Variants in DLG2 observed in about 807,000 individuals in gnomAD.
DLG2 encodes the protein discs large MAGUK scaffold protein 2, also known as disks large homolog 2.
A neutral mutation model predicts 132.5 loss-of-function variants in DLG2; 45 were observed. That is an observed-to-expected ratio of 0.34 (90% CI 0.27 to 0.44). The LOEUF is 0.44. DLG2 is among the 20% of genes least tolerant of loss of function. The pLI, the probability that DLG2 is intolerant of heterozygous loss-of-function variation, is 1.00. For missense variants in DLG2, 1,045 were observed against 1,196.9 expected (o/e 0.87, Z 1.87); for synonymous variants, 424 against 419.6 (o/e 1.01, Z -0.13).
At chr11:83,621,978 G>C (rs542000719) in intron 19 of DLG2, among the ~76,000 whole-genome samples, 228 of 152,248 alleles carry the variant, frequency 1.5e-3, no homozygotes, top group Non-Finnish European at 2.2e-3. Flanking sequence ...TCAGTGGCAA[G>C]ATCTCAGCTC....
chr11:84,201,397 G>C (rs1179333909), intron 8 of DLG2, among the ~76,000 whole-genome samples: 2 of 152,104 alleles, frequency 1.3e-5, no homozygotes, highest in Non-Finnish European at 2.9e-5. Context: ...ATCGTGCCCT[G>C]ATATTTTCTT....
chr11:83,817,529 T>G (rs1316348254), intron 17 of DLG2, among the ~76,000 whole-genome samples: 1 of 152,156 alleles, frequency 6.6e-6, no homozygotes, highest in Non-Finnish European at 1.5e-5. Flanking sequence ...GAAAAAAGTA[T>G]GAATGTATGC....
chr11:84,528,237 T>C (rs960191949), intron 7 of DLG2, among the ~76,000 whole-genome samples: 7 of 152,148 alleles, frequency 4.6e-5, no homozygotes, highest in Non-Finnish European at 8.8e-5. Flanking sequence ...CTAGGTAGCA[T>C]CTGAAGAGAA....
intron 7 of DLG2, among the ~76,000 whole-genome samples, chr11:84,370,706 T>C (rs190899226): frequency 2.4e-3 from 365 of 152,298 alleles, no homozygotes; most frequent in Non-Finnish European, 3.7e-3. Flanking sequence ...TGGAAAGCAG[T>C]GTCTGACTCT....
chr11:85,213,621 G>A (rs186469616), intron 4 of DLG2, among the ~76,000 whole-genome samples: 440 of 152,256 alleles, frequency 2.9e-3, no homozygotes, highest in Non-Finnish European at 4.8e-3. Flanking sequence ...ATCAGACTTA[G>A]TCTATTTTAT....
At chr11:85,223,104 T>C (rs987467026) in intron 4 of DLG2, among the ~76,000 whole-genome samples, 33 of 152,114 alleles carry the variant, frequency 2.2e-4, no homozygotes, top group African/African-American at 7.5e-4. Flanking sequence ...AGAAACTTTG[T>C]TTGTTACTAA....
intron 7 of DLG2, among the ~76,000 whole-genome samples, chr11:84,304,290 A>G (rs2098190131): frequency 6.6e-6 from 1 of 152,182 alleles, no homozygotes; most frequent in Non-Finnish European, 1.5e-5. Context: ...GGAATCTCAC[A>G]CTCTCTAATC....
chr11:84,642,045 T>G (rs2099667405), intron 6 of DLG2, among the ~76,000 whole-genome samples: 1 of 146,114 alleles, frequency 6.8e-6, no homozygotes, highest in African/African-American at 2.7e-5. Context: ...TGCATACGTA[T>G]ATATGTATAT....
intron 3 of DLG2, among the ~76,000 whole-genome samples, chr11:85,358,010 G>A (rs59464672): frequency 0.057 from 8,637 of 151,428 alleles, 345 homozygotes; most frequent in African/African-American, 0.11. Context: ...AGAAATAAAG[G>A]AAAAGGATCA....
chr11:85,573,057 T>C (rs1565702662), intron 3 of DLG2, among the ~76,000 whole-genome samples: 1 of 152,100 alleles, frequency 6.6e-6, no homozygotes, highest in African/African-American at 2.4e-5. Flanking sequence ...GTACACTCTC[T>C]CTTGATCCTG....
chr11:83,462,612 G>T (rs2090242126), intron 26 of DLG2, among the ~76,000 whole-genome samples: 1 of 152,164 alleles, frequency 6.6e-6, no homozygotes, highest in Admixed American at 6.5e-5. Flanking sequence ...GGGAAGGCAG[G>T]AGGGGAGATG....
chr11:85,593,967 C>A (rs892621976), intron 3 of DLG2, among the ~76,000 whole-genome samples: 2 of 152,008 alleles, frequency 1.3e-5, no homozygotes, highest in Non-Finnish European at 2.9e-5. Context: ...TATTGCATAG[C>A]ACAATGTCCA....
intron 10 of DLG2, among the ~76,000 whole-genome samples, chr11:84,083,110 T>C (rs2096927355): frequency 6.6e-6 from 1 of 151,950 alleles, no homozygotes; most frequent in African/African-American, 2.4e-5. Context: ...TAAAACCCCA[T>C]CTCTATTGAA....
intron 6 of DLG2, among the ~76,000 whole-genome samples, chr11:84,859,128 T>A (rs1057337652): frequency 6.6e-6 from 1 of 151,830 alleles, no homozygotes; most frequent in Non-Finnish European, 1.5e-5. Flanking sequence ...CCTAGCATAA[T>A]TCTTGCAACC....
intron 3 of DLG2, among the ~76,000 whole-genome samples, chr11:85,429,089 A>G (rs1277506240): frequency 1.3e-5 from 2 of 152,194 alleles, no homozygotes; most frequent in Admixed American, 6.5e-5. Context: ...AAGAACTTGA[A>G]TCTCTCAATA....
At chr11:84,791,299 C>T (rs2073813872) in intron 6 of DLG2, among the ~76,000 whole-genome samples, 1 of 152,164 alleles carries the variant, frequency 6.6e-6, no homozygotes, top group South Asian at 2.1e-4. Flanking sequence ...CAGTATCAGT[C>T]TATGCATCTG....
chr11:85,286,550 T>C (rs1210018698), intron 3 of DLG2, among the ~76,000 whole-genome samples: 2 of 152,194 alleles, frequency 1.3e-5, no homozygotes, highest in East Asian at 1.9e-4. Flanking sequence ...TAAAGAGTAA[T>C]GAACACTGTC....
At chr11:83,646,358 A>AGAGG (rs59007098) in intron 18 of DLG2, among the ~76,000 whole-genome samples, 2 of 124,260 alleles carry the variant, frequency 1.6e-5, no homozygotes, top group Admixed American at 7.4e-5. Context: ...GATATGAAAC[A>AGAGG]GAGAGAGAGA....
chr11:85,497,197 T>C (rs896230969), intron 3 of DLG2, among the ~76,000 whole-genome samples: 4 of 151,966 alleles, frequency 2.6e-5, no homozygotes, highest in Non-Finnish European at 5.9e-5. Context: ...GTTAGACGAA[T>C]GGCTAACTAG....
Sources: allele counts gnomAD v4.1 joint callset (sites outside exome capture counted in the v4.1 genomes callset), GRCh38; gene constraint gnomAD v4.1.1; transcripts MANE v1.5; gene names NCBI Gene and HGNC (gene_info 2026-07-23, HGNC 2026-07-21).